The following RABGAP1L variants were observed in gnomAD, a reference collection of about 807,000 sequenced individuals.
RABGAP1L encodes RAB GTPase activating protein 1 like.
In RABGAP1L, 63 loss-of-function variants were observed where a neutral mutation model predicts 137.7. The observed-to-expected ratio is 0.46, with a 90% CI of 0.37 to 0.56. The LOEUF is 0.56. Ranked by LOEUF, RABGAP1L falls within the 20% of genes least tolerant of loss-of-function variation. The pLI is 0.00. For synonymous variants in RABGAP1L, 431 were observed against 433.7 expected, an observed-to-expected ratio of 0.99 and a Z score of 0.08; for missense variants, 1,095 against 1,244.0, an observed-to-expected ratio of 0.88 and a Z score of 1.80.
intron 17 of RABGAP1L, among the ~76,000 whole-genome samples, chr1:174,727,466 C>T (rs890775896): frequency 1.3e-5 from 2 of 152,052 alleles, no homozygotes; most frequent in Non-Finnish European, 2.9e-5. Context: ...TGATACTGCC[C>T]CCACAGAATG....
At chr1:174,930,889 G>T (rs1457348991) in intron 19 of RABGAP1L, among the ~76,000 whole-genome samples, 1 of 152,154 alleles carries the variant, frequency 6.6e-6, no homozygotes, top group East Asian at 1.9e-4. Flanking sequence ...TATTCTAATA[G>T]TGGGTGCATT....
intron 19 of RABGAP1L, among the ~76,000 whole-genome samples, chr1:174,953,474 A>C (rs536965531): frequency 1.3e-5 from 2 of 152,328 alleles, no homozygotes; most frequent in East Asian, 3.9e-4. Context: ...CTTTGCCTTA[A>C]ATTCATTAAG....
intron 11 of RABGAP1L, among the ~76,000 whole-genome samples, chr1:174,360,574 C>G (rs1468600029): frequency 6.6e-6 from 1 of 152,088 alleles, no homozygotes; most frequent in Non-Finnish European, 1.5e-5. Context: ...TTATAGTAAA[C>G]TAATATGCCG....
chr1:174,328,961 C>A (rs1680785698), intron 11 of RABGAP1L, among the ~76,000 whole-genome samples: 1 of 148,104 alleles, frequency 6.8e-6, no homozygotes, highest in Non-Finnish European at 1.5e-5. Flanking sequence ...TCTCAAGGAA[C>A]TAGGAAAACA....
chr1:174,748,970 A>G (rs1008882797), intron 17 of RABGAP1L, among the ~76,000 whole-genome samples: 1 of 151,998 alleles, frequency 6.6e-6, no homozygotes, highest in Non-Finnish European at 1.5e-5. Flanking sequence ...TGAGGTCAAA[A>G]GTTTGAGACT....
At chr1:174,198,469 G>T (rs1667859873) in intron 1 of RABGAP1L, among the ~76,000 whole-genome samples, 2 of 152,190 alleles carry the variant, frequency 1.3e-5, no homozygotes, top group African/African-American at 4.8e-5. Context: ...TCAAGGAATT[G>T]ACTTAATGAG....
chr1:174,195,573 A>AATTC (rs1667513774), intron 1 of RABGAP1L, among the ~76,000 whole-genome samples: 4 of 112,576 alleles, frequency 3.6e-5, no homozygotes, highest in Admixed American at 9.1e-5. Flanking sequence ...GTTCTTAATC[A>AATTC]ATTCTTTCTT....
chr1:174,198,119 T>A (rs1309252196), intron 1 of RABGAP1L, among the ~76,000 whole-genome samples: 1 of 152,232 alleles, frequency 6.6e-6, no homozygotes, highest in African/African-American at 2.4e-5. Context: ...AACACTGTTC[T>A]AATTATAGTC....
At position 174,702,249 on chromosome 1, in the gene RABGAP1L, T is replaced by G. The variant is rs773763849; in HGVS notation, c.2162T>G (p.Leu721Arg). Residue 721 changes from leucine to arginine, a missense_variant, in exon 17 of 26, where the codon CTT (leucine) becomes CGT (arginine). Leu to Arg is a moderately radical substitution (Grantham distance 102, BLOSUM62 -2). Coordinates refer to ENST00000681986, the MANE Select transcript of RABGAP1L (RefSeq NM_001366446.1). Reference protein sequence around the residue: ...CMVFHIIDLLLCEGLNIIFHV... With the variant: ...CMVFHIIDLLRCEGLNIIFHV... ...GTGTTCCACATCATTGACTTACTGC[T>G]TTGTGAGGTAGAGTGACTCCCATCT... 2 of 1,604,510 alleles carry G rather than the reference T, an allele frequency of 1.2e-6. No homozygotes were observed. The highest frequency in any genetic ancestry group is 1.7e-6 in the Non-Finnish European group (2 of 1,176,000).
chr1:174,644,058 ATTTTGGGGGT>A (rs1674754612), intron 14 of RABGAP1L, among the ~76,000 whole-genome samples: 1 of 151,910 alleles, frequency 6.6e-6, no homozygotes. Context: ...CAAAAGGGTT[ATTTTGGGGGT>A]TTTTTTGGTC....
At chr1:174,788,300 G>A (rs1156572222) in intron 18 of RABGAP1L, among the ~76,000 whole-genome samples, 1 of 152,186 alleles carries the variant, frequency 6.6e-6, no homozygotes, top group Non-Finnish European at 1.5e-5. Flanking sequence ...TGCTTCCTCT[G>A]TGGTGTGCCA....
chr1:174,875,529 T>C (rs1337854282), intron 19 of RABGAP1L: 2 of 985,272 alleles, frequency 2.0e-6, no homozygotes, highest in Admixed American at 6.2e-5. Flanking sequence ...GTGCACCTTA[T>C]TCAGATATCC....
chr1:174,956,519 G>A (rs888193056), intron 19 of RABGAP1L, among the ~76,000 whole-genome samples: 3 of 152,026 alleles, frequency 2.0e-5, no homozygotes, highest in African/African-American at 7.3e-5. Context: ...GAAATAAATG[G>A]GTTGTTTAGA....
At chr1:174,265,260 C>A (rs1171932169) in intron 7 of RABGAP1L, among the ~76,000 whole-genome samples, 3 of 152,010 alleles carry the variant, frequency 2.0e-5, no homozygotes, top group Non-Finnish European at 2.9e-5. Flanking sequence ...ATCTGAATGT[C>A]CTGTATTAGT....
intron 11 of RABGAP1L, chr1:174,367,947 T>C (rs1373380761): frequency 1.3e-5 from 2 of 153,330 alleles, no homozygotes; most frequent in Non-Finnish European, 1.5e-5. Context: ...GCCAAAGACA[T>C]ACCAATTTTG....
intron 19 of RABGAP1L, among the ~76,000 whole-genome samples, chr1:174,879,949 C>A (rs777340726): frequency 4.0e-5 from 6 of 151,670 alleles, no homozygotes; most frequent in African/African-American, 1.5e-4. Flanking sequence ...AAAGATCAGC[C>A]AGGCATAGTG....
intron 17 of RABGAP1L, among the ~76,000 whole-genome samples, chr1:174,750,558 A>G (rs1213067558): frequency 1.3e-5 from 2 of 152,198 alleles, no homozygotes; most frequent in Admixed American, 1.3e-4. Context: ...TTTGGGGGGA[A>G]TGTTTGACAG....
intron 13 of RABGAP1L, among the ~76,000 whole-genome samples, chr1:174,616,986 A>G (rs1032978065): frequency 1.3e-5 from 2 of 152,232 alleles, no homozygotes; most frequent in African/African-American, 4.8e-5. Flanking sequence ...GGAATGGATA[A>G]GATTTCCCTT....
At chr1:174,889,800 G>T (rs905686388) in intron 19 of RABGAP1L, among the ~76,000 whole-genome samples, 6 of 152,120 alleles carry the variant, frequency 3.9e-5, no homozygotes, top group Non-Finnish European at 7.4e-5. Flanking sequence ...TGCAATCACG[G>T]CTCACTGCGG....
Sources: allele counts gnomAD v4.1 joint callset (sites outside exome capture counted in the v4.1 genomes callset), GRCh38; gene constraint gnomAD v4.1.1; transcripts MANE v1.5; gene names NCBI Gene and HGNC (gene_info 2026-07-23, HGNC 2026-07-21).